The following MTMR12 variants were observed in gnomAD, a reference collection of about 807,000 sequenced individuals.
MTMR12 encodes the protein myotubularin-related protein 12.
A neutral mutation model predicts 96.7 loss-of-function variants in MTMR12; 33 were observed. That is an observed-to-expected ratio of 0.34 (90% CI 0.26 to 0.46). The LOEUF (loss-of-function observed/expected upper bound fraction) is 0.46, where lower values mean the gene tolerates loss of function less well. Ranked by LOEUF, MTMR12 falls within the 20% of genes least tolerant of loss-of-function variation. The pLI is 1.00. For synonymous variants in MTMR12, 298 were observed against 327.2 expected (o/e 0.91, Z 0.96); for missense variants, 721 against 896.1 (o/e 0.80, Z 2.49).
intron 1 of MTMR12, among the ~76,000 whole-genome samples, chr5:32,288,184 C>A (rs1004399387): frequency 8.5e-5 from 13 of 152,300 alleles, no homozygotes; most frequent in African/African-American, 3.1e-4. Flanking sequence ...TGGGACCCTG[C>A]AACTTGGAAT....
In MTMR12 at chr5:32,229,559, T is replaced by C; in HGVS notation, c.*219A>G. On this transcript the variant is annotated 3_prime_UTR_variant, in exon 16 of 16. Transcript: ENST00000382142. ...ACCCTATTACGGGTCAAGTAATAAT[T>C]CCTTCCAATTAGTAATACTACAGAT... The C allele has an allele frequency of 2.4e-6, 1 of 413,862 alleles. No individual in the cohort carries two copies. Among genetic ancestry groups the C allele is most frequent in the Non-Finnish European group, 4.2e-6 (1 of 240,596 alleles). The allele number at this position is 413,862 out of a possible 1,614,324, so 25.6% of individuals were successfully genotyped here.
In MTMR12 at chr5:32,268,697, T is replaced by A. The variant is rs1282251725; in HGVS notation, c.583+4A>T. 15 of 1,610,570 alleles carry A rather than the reference T, an allele frequency of 9.3e-6. No individual in the cohort carries two copies. The highest frequency in any genetic ancestry group is 1.2e-5 in the Non-Finnish European group (14 of 1,176,836). ...CCTCAAATTAGAACCCAGAAGATAT[T>A]TACCTGTATTGTTTTGTGCAGCAGT... On this transcript the variant is annotated splice_donor_region_variant and intron_variant, in intron 6 of 15. Coordinates refer to ENST00000382142, the MANE Select transcript of MTMR12 (RefSeq NM_001040446.3).
At chr5:32,250,411 T>C (rs1456315157) in intron 8 of MTMR12, among the ~76,000 whole-genome samples, 1 of 152,192 alleles carries the variant, frequency 6.6e-6, no homozygotes, top group Non-Finnish European at 1.5e-5. Context: ...CAAGCCACAC[T>C]TTAAGATTCA....
In MTMR12 at chr5:32,228,531, TA is replaced by T. The variant is rs2111962666; in HGVS notation, c.*1246del. Reference sequence around the variant, plus strand: ...CATTAAAAAAAATATATATCATATATATGATATATATATCATATATATGTGA... The same window carrying T: ...CATTAAAAAAAATATATATCATATATTGATATATATATCATATATATGTGA... On this transcript the variant is annotated 3_prime_UTR_variant, in exon 16 of 16. Coordinates refer to ENST00000382142, the MANE Select transcript of MTMR12 (RefSeq NM_001040446.3). 1 of 142,396 alleles carries T rather than the reference TA, an allele frequency of 7.0e-6. No homozygotes were observed. The highest frequency in any genetic ancestry group is 2.7e-5 in the African/African-American group (1 of 37,584). 8.8% of individuals were successfully genotyped at this position (142,396 alleles called of 1,614,324 possible).
At chr5:32,235,262 C>T in intron 13 of MTMR12, 133 bp from the exon 14 acceptor site, 1 of 721,874 alleles carries the variant, frequency 1.4e-6, no homozygotes, top group East Asian at 2.7e-5. Flanking sequence ...ACACAGAATA[C>T]TCCATACCAT....
intron 1 of MTMR12, among the ~76,000 whole-genome samples, chr5:32,302,071 T>G (rs1439163139): frequency 6.6e-6 from 1 of 152,192 alleles, no homozygotes; most frequent in African/African-American, 2.4e-5. Flanking sequence ...TTGCCCCCAC[T>G]TATACATAAG....
intron 8 of MTMR12, among the ~76,000 whole-genome samples, chr5:32,253,109 T>C (rs1749005453): frequency 6.6e-6 from 1 of 152,226 alleles, no homozygotes; most frequent in Admixed American, 6.5e-5. Context: ...CCTGGACATA[T>C]TTGTTGGTTG....
At chr5:32,276,617 G>A in intron 2 of MTMR12, 65 bp downstream of exon 2, 9 of 1,349,570 alleles carry the variant, frequency 6.7e-6, no homozygotes, top group Non-Finnish European at 9.5e-6. Context: ...AGCAAGGCTA[G>A]GGATGATGTA....
intron 5 of MTMR12, among the ~76,000 whole-genome samples, chr5:32,269,823 T>C (rs1749762855): frequency 6.6e-6 from 1 of 152,214 alleles, no homozygotes; most frequent in Admixed American, 6.5e-5. Flanking sequence ...TTATGGAAGA[T>C]AAGGGAAAGA....
chr5:32,244,336 T>C (rs1748594220), intron 10 of MTMR12, among the ~76,000 whole-genome samples: 1 of 149,336 alleles, frequency 6.7e-6, no homozygotes, highest in Non-Finnish European at 1.5e-5. Context: ...ACGCCTGTAA[T>C]CCCTGCACTT....
At chr5:32,285,852 T>C (rs938436193) in intron 1 of MTMR12, among the ~76,000 whole-genome samples, 1 of 152,188 alleles carries the variant, frequency 6.6e-6, no homozygotes, top group Non-Finnish European at 1.5e-5. Context: ...ATCAAAAAAG[T>C]TGCCAACCTA....
At chr5:32,271,653 G>A (rs193081810) in intron 4 of MTMR12, among the ~76,000 whole-genome samples, 180 bp downstream of exon 4, 2 of 152,104 alleles carry the variant, frequency 1.3e-5, no homozygotes, top group African/African-American at 2.4e-5. Context: ...AACTCCTCTA[G>A]CTAAGTGACC....
At chr5:32,230,492 C>A in intron 15 of MTMR12, 145 bp from the exon 16 acceptor site, 3 of 731,974 alleles carry the variant, frequency 4.1e-6, no homozygotes. Context: ...CTCATTAACA[C>A]GCTGTGACAT....
At chr5:32,245,179 G>A (rs745605623) in intron 10 of MTMR12, among the ~76,000 whole-genome samples, 1 of 152,098 alleles carries the variant, frequency 6.6e-6, no homozygotes, top group Admixed American at 6.6e-5. Context: ...GGCATTACAG[G>A]TGCCCACCAC....
chr5:32,249,235 TTTAA>T (rs1289357977), intron 8 of MTMR12, among the ~76,000 whole-genome samples: 2 of 152,330 alleles, frequency 1.3e-5, no homozygotes, highest in South Asian at 4.1e-4. Context: ...AATTAACTCA[TTTAA>T]TTGTTATGGT....
chr5:32,264,128 G>A (rs1433583058), intron 6 of MTMR12, among the ~76,000 whole-genome samples: 4 of 152,098 alleles, frequency 2.6e-5, no homozygotes, highest in Non-Finnish European at 4.4e-5. Flanking sequence ...TCCCCAACCC[G>A]GCCCTGCCAC....
In MTMR12 at chr5:32,235,176, A is replaced by T; in HGVS notation, c.1345-47T>A. The T allele has an allele frequency of 3.8e-6, 6 of 1,562,678 alleles. No individual in the cohort carries two copies. The East Asian group carries it at 1.4e-4, about 35-fold the overall frequency. ...TACTTGGTGGGCAGAGCCCAGAGCA[A>T]GCCATCCTGAGTTCAGGGGGCAGCC... On this transcript the variant is annotated intron_variant, in intron 13 of 15. Transcript: ENST00000382142.
chr5:32,230,569 G>A (rs577549260), intron 15 of MTMR12, among the ~76,000 whole-genome samples: 14 of 152,318 alleles, frequency 9.2e-5, no homozygotes, highest in African/African-American at 3.4e-4. Flanking sequence ...GGGGAAGCAG[G>A]TGCACGTGGC....
intron 8 of MTMR12, among the ~76,000 whole-genome samples, chr5:32,251,193 C>T (rs368978600): frequency 4.1e-4 from 62 of 151,132 alleles, no homozygotes; most frequent in African/African-American, 1.1e-3. Flanking sequence ...GTAGCTGGGA[C>T]TACAGGCGCC....
Sources: gnomAD v4.1 joint callset for allele counts (sites outside exome capture counted in the v4.1 genomes callset) on GRCh38, gnomAD v4.1.1 for gene constraint, MANE v1.5 for transcripts, NCBI Gene and HGNC (gene_info 2026-07-23, HGNC 2026-07-21) for gene names.